Variants in ITIH5 observed in about 807,000 individuals in gnomAD.
The protein encoded by ITIH5 is inter-alpha-trypsin inhibitor heavy chain 5, also known as inter-alpha-trypsin inhibitor heavy chain H5.
A neutral mutation model predicts 77.5 loss-of-function variants in ITIH5; 65 were observed. That is an observed-to-expected ratio of 0.84 (90% CI 0.69 to 1.03). The LOEUF (loss-of-function observed/expected upper bound fraction) is 1.03, where lower values mean the gene tolerates loss of function less well. Among genes scored for constraint, ITIH5 ranks in the 50% least tolerant of loss-of-function variants. The pLI is 0.00. For missense variants in ITIH5, 1,208 were observed against 1,213.1 expected, an observed-to-expected ratio of 1.00 and a Z score of 0.06; for synonymous variants, 525 against 494.3, an observed-to-expected ratio of 1.06 and a Z score of -0.82.
Position 7,663,165 on chromosome 10 carries a change from C to T in ITIH5, c.90+3638G>A, listed in dbSNP as rs116095629. Among the ~76,000 whole-genome samples, 1,043 of 152,264 alleles carry T rather than the reference C, an allele frequency of 6.8e-3. 14 individuals carry two copies. The highest frequency in any genetic ancestry group is 0.023 in the African/African-American group (970 of 41,542). ...TGCTGAGAGCCCCAGCTTTGGTGTT[C>T]GGCACACCTACACTCCAATCCAGGC... On this transcript the variant is annotated intron_variant, in intron 1 of 13. Transcript: ENST00000397146.
At chr10:7,636,835 C>T (rs1218551882) in intron 5 of ITIH5, among the ~76,000 whole-genome samples, 1 of 152,016 alleles carries the variant, frequency 6.6e-6, no homozygotes, top group Non-Finnish European at 1.5e-5. Flanking sequence ...GGGTGGATCA[C>T]GAGGTCAGGA....
intron 7 of ITIH5, among the ~76,000 whole-genome samples, chr10:7,612,525 A>G (rs1216432814): frequency 6.6e-6 from 1 of 152,206 alleles, no homozygotes; most frequent in Middle Eastern, 3.2e-3. Flanking sequence ...GGGGGTGAAT[A>G]AAAACATCAG....
intron 13 of ITIH5, 139 bp from the exon 14 acceptor site, chr10:7,563,523 A>T: frequency 1.4e-6 from 1 of 712,518 alleles, no homozygotes; most frequent in East Asian, 2.7e-5. Flanking sequence ...GACATGGAAG[A>T]ACATGTGCTC....
At chr10:7,601,384 T>C (rs970523228) in intron 7 of ITIH5, among the ~76,000 whole-genome samples, 2 of 152,174 alleles carry the variant, frequency 1.3e-5, no homozygotes, top group Admixed American at 1.3e-4. Context: ...TGCTTTGTCC[T>C]CACAGAAGCA....
chr10:7,652,889 G>A (rs1014000035), intron 2 of ITIH5, among the ~76,000 whole-genome samples: 3 of 151,804 alleles, frequency 2.0e-5, no homozygotes, highest in Non-Finnish European at 4.4e-5. Context: ...GATGGGCAAA[G>A]GACCTGGAAA....
chr10:7,636,634 G>A (rs1205973550), intron 5 of ITIH5, among the ~76,000 whole-genome samples: 2 of 152,104 alleles, frequency 1.3e-5, no homozygotes, highest in Non-Finnish European at 2.9e-5. Flanking sequence ...ACGAGCTTGT[G>A]CATATGACAT....
At chr10:7,656,040 T>C (rs1312035248) in intron 1 of ITIH5, among the ~76,000 whole-genome samples, 1 of 152,180 alleles carries the variant, frequency 6.6e-6, no homozygotes, top group Non-Finnish European at 1.5e-5. Context: ...TTTGCTACTG[T>C]GTCTATTACA....
intron 8 of ITIH5, among the ~76,000 whole-genome samples, chr10:7,582,126 C>T (rs187263061): frequency 9.9e-5 from 15 of 152,132 alleles, no homozygotes; most frequent in South Asian, 6.2e-4. Context: ...CTGCCCGCCT[C>T]GGCCTCCAAA....
intron 5 of ITIH5, among the ~76,000 whole-genome samples, chr10:7,629,190 T>G (rs1427384463): frequency 5.4e-5 from 7 of 129,976 alleles, no homozygotes. Flanking sequence ...TGTTTTCACA[T>G]GTGTCCCTGT....
intron 2 of ITIH5, among the ~76,000 whole-genome samples, chr10:7,653,770 C>T (rs1834137648): frequency 6.6e-6 from 1 of 152,194 alleles, no homozygotes. Flanking sequence ...AATCCTGGCT[C>T]TACCACCTCT....
chr10:7,600,503 C>T (rs1832992768), intron 7 of ITIH5: 1 of 456,596 alleles, frequency 2.2e-6, no homozygotes, highest in Non-Finnish European at 4.4e-6. Flanking sequence ...AGCCCGGTCT[C>T]TCCTCCTGGA....
chr10:7,624,811 AT>A (rs1833537133), intron 5 of ITIH5, among the ~76,000 whole-genome samples: 1 of 123,578 alleles, frequency 8.1e-6, no homozygotes, highest in Non-Finnish European at 1.7e-5. Flanking sequence ...ATATATATAT[AT>A]ACACATATAT....
intron 7 of ITIH5, among the ~76,000 whole-genome samples, chr10:7,588,562 G>C (rs553392927): frequency 6.6e-6 from 1 of 152,250 alleles, no homozygotes; most frequent in Non-Finnish European, 1.5e-5. Context: ...TTTTCTGTAG[G>C]GCTAGTAAAC....
intron 1 of ITIH5, among the ~76,000 whole-genome samples, chr10:7,659,131 C>T (rs1293083089): frequency 6.6e-6 from 1 of 152,148 alleles, no homozygotes; most frequent in East Asian, 1.9e-4. Context: ...AATCCCAGCA[C>T]TCCGGGAGGC....
chr10:7,610,987 G>A (rs543486950), intron 7 of ITIH5, among the ~76,000 whole-genome samples: 28 of 152,326 alleles, frequency 1.8e-4, no homozygotes, highest in African/African-American at 6.3e-4. Flanking sequence ...TGCATCATGC[G>A]AGGAAATCCC....
chr10:7,664,399 C>CAAAA (rs35992152), intron 1 of ITIH5, among the ~76,000 whole-genome samples: 12 of 118,664 alleles, frequency 1.0e-4, no homozygotes, highest in East Asian at 2.4e-4. Context: ...GATTCCGTCT[C>CAAAA]AAAAAAAAAA....
intron 2 of ITIH5, among the ~76,000 whole-genome samples, chr10:7,647,449 A>G (rs1834024478): frequency 6.6e-6 from 1 of 152,204 alleles, no homozygotes; most frequent in Non-Finnish European, 1.5e-5. Context: ...AGCAACCTCC[A>G]GCAACACCAC....
At chr10:7,644,657 T>C (rs930156731) in intron 2 of ITIH5, among the ~76,000 whole-genome samples, 7 of 131,208 alleles carry the variant, frequency 5.3e-5, no homozygotes, top group African/African-American at 1.3e-4. Flanking sequence ...ATATATCACA[T>C]ATATATCATA....
intron 2 of ITIH5, among the ~76,000 whole-genome samples, chr10:7,649,299 T>G (rs933937780): frequency 5.3e-5 from 8 of 152,124 alleles, no homozygotes; most frequent in African/African-American, 1.9e-4. Context: ...TTCTTCCTTC[T>G]TCTTCTTTCC....
Sources: allele counts gnomAD v4.1 joint callset (sites outside exome capture counted in the v4.1 genomes callset), GRCh38; gene constraint gnomAD v4.1.1; transcripts MANE v1.5; gene names NCBI Gene and HGNC (gene_info 2026-07-23, HGNC 2026-07-21).